Variants in PDE3B observed in about 807,000 individuals in gnomAD.
The protein encoded by PDE3B is cGMP-inhibited 3',5'-cyclic phosphodiesterase 3B.
Under a neutral mutation model 116.8 loss-of-function variants are expected in PDE3B, and 66 were observed. The observed-to-expected ratio is 0.56, with a 90% CI of 0.46 to 0.69. PDE3B has a LOEUF of 0.69. PDE3B is among the 30% of genes least tolerant of loss of function. The pLI is 0.00. For missense variants in PDE3B, 1,384 were observed against 1,368.1 expected (o/e 1.01, Z -0.18); for synonymous variants, 595 against 533.6 (o/e 1.12, Z -1.59).
chr11:14,682,440 A>G (rs1271098226), intron 1 of PDE3B, among the ~76,000 whole-genome samples: 1 of 152,208 alleles, frequency 6.6e-6, no homozygotes. Context: ...CTAGGAAACC[A>G]TTAAATATGA....
intron 5 of PDE3B, among the ~76,000 whole-genome samples, chr11:14,817,001 G>A (rs1021773551): frequency 3.9e-5 from 6 of 152,054 alleles, no homozygotes; most frequent in Non-Finnish European, 8.8e-5. Flanking sequence ...TGTTTATTGC[G>A]GCACTATTCA....
the PDE3B span, chr11:14,877,630 A>T: frequency 6.6e-6 from 1 of 152,376 alleles, no homozygotes; most frequent in Non-Finnish European, 1.5e-5. Flanking sequence ...ACCATCTCCC[A>T]CCATATCTAA....
intron 1 of PDE3B, among the ~76,000 whole-genome samples, chr11:14,648,075 A>T (rs7939648): frequency 0.065 from 9,898 of 151,976 alleles, 441 homozygotes; most frequent in African/African-American, 0.13. Flanking sequence ...TAGGAAGTTT[A>T]AAAAAATCAG....
At chr11:14,730,433 A>G (rs1230717080) in intron 1 of PDE3B, among the ~76,000 whole-genome samples, 1 of 152,204 alleles carries the variant, frequency 6.6e-6, no homozygotes, top group Non-Finnish European at 1.5e-5. Flanking sequence ...TTTCCTTGTG[A>G]TAGCATCTAA....
chr11:14,667,214 C>T (rs984456064), intron 1 of PDE3B, among the ~76,000 whole-genome samples: 1 of 148,100 alleles, frequency 6.8e-6, no homozygotes, highest in Non-Finnish European at 1.5e-5. Flanking sequence ...TATTCTCACT[C>T]ATAGGTGGGA....
intron 1 of PDE3B, among the ~76,000 whole-genome samples, chr11:14,761,857 A>G (rs1368713172): frequency 6.6e-6 from 1 of 152,204 alleles, no homozygotes; most frequent in Non-Finnish European, 1.5e-5. Flanking sequence ...CCAAATAAAA[A>G]TGGTACATTT....
chr11:14,824,013 C>A (rs533695971), intron 7 of PDE3B, among the ~76,000 whole-genome samples: 1 of 152,130 alleles, frequency 6.6e-6, no homozygotes, highest in Non-Finnish European at 1.5e-5. Context: ...CTGTGGGGAC[C>A]AGGGGCTAGC....
chr11:14,725,309 C>CTTTCTTTCTCTTTCTTTCTT (rs1393019002), intron 1 of PDE3B, among the ~76,000 whole-genome samples: 2 of 147,312 alleles, frequency 1.4e-5, no homozygotes, highest in African/African-American at 5.1e-5. Context: ...TTCTTTCTTT[C>CTTTCTTTCTCTTTCTTTCTT]TCTTTCTTTC....
At position 14,643,970 on chromosome 11, in the gene PDE3B, G is replaced by T. The variant is rs907962272; in HGVS notation, c.-106G>T. The T allele has an allele frequency of 7.3e-7, 1 of 1,368,388 alleles. No homozygotes were observed. The highest frequency in any genetic ancestry group is 9.4e-7 in the Non-Finnish European group (1 of 1,067,822). 84.8% of individuals were successfully genotyped at this position (1,368,388 alleles called of 1,614,324 possible). A position where few individuals can be genotyped will look rare whatever the true frequency, so the allele number is the denominator to read the frequency against. ...GGCCGGCGCAGCCCTGACGGGTTGC[G>T]AACCAGGGGGCGCCCCGAACGCGGG... is the stretch of plus-strand genomic sequence containing the variant. On this transcript the variant is annotated 5_prime_UTR_variant, in exon 1 of 16. Transcript: ENST00000282096.
intron 1 of PDE3B, among the ~76,000 whole-genome samples, chr11:14,726,421 A>G (rs575518525): frequency 6.6e-6 from 1 of 152,310 alleles, no homozygotes; most frequent in Non-Finnish European, 1.5e-5. Context: ...TGAATGAATG[A>G]ATGAATATAT....
At chr11:14,676,865 C>T (rs143980854) in intron 1 of PDE3B, among the ~76,000 whole-genome samples, 69 of 152,082 alleles carry the variant, frequency 4.5e-4, no homozygotes, top group African/African-American at 1.5e-3. Flanking sequence ...TTTTCCTTTA[C>T]ATTTAGTGCT....
chr11:14,861,742 G>A (rs1377056743), intron 14 of PDE3B, among the ~76,000 whole-genome samples: 1 of 152,158 alleles, frequency 6.6e-6, no homozygotes, highest in Non-Finnish European at 1.5e-5. Flanking sequence ...AGAAGTGAAA[G>A]TTTATTTAAA....
intron 1 of PDE3B, among the ~76,000 whole-genome samples, chr11:14,678,479 G>T (rs1854597603): frequency 6.6e-6 from 1 of 152,148 alleles, no homozygotes; most frequent in African/African-American, 2.4e-5. Flanking sequence ...AATTCTAGTA[G>T]TTCCACATCC....
chr11:14,880,768 C>A, the PDE3B span: 3 of 1,604,246 alleles, frequency 1.9e-6, no homozygotes, highest in Admixed American at 1.7e-5. Flanking sequence ...ATTGAGTAAG[C>A]CTGAAAAAAA....
intron 1 of PDE3B, among the ~76,000 whole-genome samples, chr11:14,666,009 A>G (rs1565081240): frequency 1.3e-5 from 2 of 152,218 alleles, no homozygotes; most frequent in African/African-American, 4.8e-5. Flanking sequence ...AGCTGGAGGC[A>G]TCACACTACC....
At chr11:14,852,473 A>T (rs986941139) in intron 12 of PDE3B, among the ~76,000 whole-genome samples, 13 of 152,256 alleles carry the variant, frequency 8.5e-5, no homozygotes, top group African/African-American at 2.9e-4. Context: ...AAACAATGTT[A>T]TATGAACAAC....
chr11:14,856,595 C>T lies in PDE3B; in HGVS notation c.2521-2448C>T, dbSNP rs565754690. Among the ~76,000 whole-genome samples, 18 of 152,192 alleles carry T rather than the reference C, an allele frequency of 1.2e-4. No individual in the cohort carries two copies. The South Asian group carries it at 3.5e-3, about 30-fold the overall frequency. On this transcript the variant is annotated intron_variant, in intron 12 of 15. Coordinates refer to ENST00000282096, the MANE Select transcript of PDE3B (RefSeq NM_000922.4). ...GTTGGCCAGGTGTGGTGGCTCACGC[C>T]TGTAATCCCAGCACTTTGGGAGTCT...
intron 12 of PDE3B, among the ~76,000 whole-genome samples, chr11:14,855,051 C>G (rs1847823791): frequency 6.6e-6 from 1 of 151,914 alleles, no homozygotes; most frequent in Non-Finnish European, 1.5e-5. Flanking sequence ...AAGTTAGGCT[C>G]TTAGAAACTA....
At chr11:14,835,217 C>T in intron 11 of PDE3B, 122 bp downstream of exon 11, 3 of 583,310 alleles carry the variant, frequency 5.1e-6, no homozygotes, top group Non-Finnish European at 9.0e-6. Context: ...ATACGAAGGA[C>T]TGTGTACGTT....
Sources: allele counts gnomAD v4.1 joint callset (sites outside exome capture counted in the v4.1 genomes callset), GRCh38; gene constraint gnomAD v4.1.1; transcripts MANE v1.5; gene names NCBI Gene and HGNC (gene_info 2026-07-23, HGNC 2026-07-21).